USP19: variants seen among roughly 807,000 people sequenced by gnomAD.
The protein encoded by USP19 is ubiquitin specific peptidase 19, also known as ubiquitin carboxyl-terminal hydrolase 19.
In USP19, 40 loss-of-function variants were observed where a neutral mutation model predicts 144.8. The ratio of observed to expected loss-of-function variants is 0.28; its 90% CI spans 0.21 to 0.36. USP19 has a LOEUF of 0.36. Ranked by LOEUF, USP19 falls within the 10% of genes least tolerant of loss-of-function variation. USP19 has a pLI of 1.00. For missense variants in USP19, 1,518 were observed against 1,822.5 expected (o/e 0.83, Z 3.04); for synonymous variants, 701 against 709.3 (o/e 0.99, Z 0.19).
In USP19 at chr3:49,114,939, CCT is replaced by C. The variant is rs776594117; in HGVS notation, c.2181+18_2181+19del. 1 of 1,614,158 alleles carries C rather than the reference CCT, an allele frequency of 6.2e-7. No individual in the cohort carries two copies. Among genetic ancestry groups the C allele is most frequent in the Non-Finnish European group, 8.5e-7 (1 of 1,180,036 alleles). Reference sequence around the variant, plus strand: ...TGGGATGCTCATGAGACATGCCCACCCTCTGTCCCTAACCCTGACCTCATCGG... The same window carrying C: ...TGGGATGCTCATGAGACATGCCCACCCTGTCCCTAACCCTGACCTCATCGG... On this transcript the variant is annotated intron_variant, in intron 14 of 26. Transcript: ENST00000417901. The surrounding 1 kb of genome is among the most constrained non-coding windows in gnomAD (Gnocchi z 4.5).
Position 49,112,765 on chromosome 3 carries a change from G to T in USP19, c.2506-136C>A. The T allele has an allele frequency of 8.1e-7, 1 of 1,240,118 alleles. No homozygotes were observed. Among genetic ancestry groups the T allele is most frequent in the Non-Finnish European group, 1.1e-6 (1 of 916,514 alleles). The allele number at this position is 1,240,118 out of a possible 1,614,324, so 76.8% of individuals were successfully genotyped here. ...GGTCTGTAGGCCCAAATAGGCTTAT[G>T]CCTCTGCTGGCACCTGTCTCAGTGC... On this transcript the variant is annotated intron_variant, in intron 17 of 26. Coordinates refer to ENST00000417901, the MANE Select transcript of USP19 (RefSeq NM_001199161.2). The surrounding 1 kb of genome is among the most constrained non-coding windows in gnomAD (Gnocchi z 4.9).
chr3:49,115,908 C>G lies in USP19; in HGVS notation c.1508G>C (p.Gly503Ala). 6.4e-7 allele frequency: 1 copy of G among 1,567,590 alleles called. No individual in the cohort carries two copies. Among genetic ancestry groups the G allele is most frequent in the Non-Finnish European group, 8.6e-7 (1 of 1,158,276 alleles). ...VGGAKVAVPT[G>A]PTPLDSTPPG... is the part of the protein sequence containing the mutation. ...TGGGGTTGAATCCAGAGGGGTTGGA[C>G]CTGTCGGCACGGCAACCTTTGCACC... Residue 503 changes from glycine (G) to alanine (A), a missense_variant, in exon 11 of 27, where the codon GGT (glycine) becomes GCT (alanine). Gly to Ala is a moderately conservative substitution (Grantham distance 60, BLOSUM62 0). This residue lies in a region of USP19 where 707 missense variants were observed against 728.9 expected (regional missense o/e 0.97). Transcript: ENST00000417901. This position sits in a 1 kb window ranked among gnomAD's most constrained non-coding sequence, Gnocchi z 6.6.
Position 49,116,339 on chromosome 3 carries a change from G to A in USP19, c.1296C>T (p.Phe432=). 3 of 1,614,114 alleles carry A rather than the reference G, an allele frequency of 1.9e-6. No individual in the cohort carries two copies. Among genetic ancestry groups the A allele is most frequent in the Non-Finnish European group, 2.5e-6 (3 of 1,180,032 alleles). ...TLIFQTRDGN[F]LRLHPGCGPH... Reference sequence around the variant, plus strand: ...GCCCACAGCCCGGGTGCAGCCTCAGGAAGTTTCCATCCCTGCAGAGGCACA... The same window carrying A: ...GCCCACAGCCCGGGTGCAGCCTCAGAAAGTTTCCATCCCTGCAGAGGCACA... Residue 432 remains phenylalanine, a synonymous_variant, in exon 9 of 27, where the codon TTC becomes TTT. Transcript: ENST00000417901. The surrounding 1 kb of genome is among the most constrained non-coding windows in gnomAD (Gnocchi z 5.0).
chr3:49,118,756 A>AAG (rs967626666), intron 2 of USP19, among the ~76,000 whole-genome samples: 13 of 152,118 alleles, frequency 8.5e-5, no homozygotes, highest in Non-Finnish European at 1.5e-4. Flanking sequence ...CAAAAAAAAA[A>AAG]GGAAAAAAAG....
intron 26 of USP19, among the ~76,000 whole-genome samples, chr3:49,109,386 A>G (rs1208392593): frequency 6.6e-6 from 1 of 151,876 alleles, no homozygotes; most frequent in African/African-American, 2.4e-5. Context: ...TCTTGACAGC[A>G]TTTTGGCCTA....
rs1032943370 is a variant in USP19 at position 49,116,226 on chromosome 3, A to T, written c.1355+54T>A. 32 of 1,613,442 alleles carry T rather than the reference A, an allele frequency of 2.0e-5. No homozygotes were observed. The highest frequency in any genetic ancestry group is 5.0e-5 in the Admixed American group (3 of 59,942). ...GAGCATCAGGATAGATGAGCCAGGGAGATGGAGCCCACGGGGTAGGACAGG... is the reference window on the plus strand; with the variant it reads ...GAGCATCAGGATAGATGAGCCAGGGTGATGGAGCCCACGGGGTAGGACAGG... On this transcript the variant is annotated intron_variant, in intron 9 of 26. Coordinates refer to ENST00000417901, the MANE Select transcript of USP19 (RefSeq NM_001199161.2). This position sits in a 1 kb window ranked among gnomAD's most constrained non-coding sequence, Gnocchi z 5.0.
In USP19 at chr3:49,108,994, C is replaced by T; in HGVS notation, c.4039-466G>A. The T allele has an allele frequency of 6.2e-7, 1 of 1,613,448 alleles. No individual in the cohort carries two copies. Among genetic ancestry groups the T allele is most frequent in the Admixed American group, 1.7e-5 (1 of 59,956 alleles). The stretch of plus-strand genomic sequence containing the variant: ...GACTCTGGGATACCAGAGGATAGAA[C>T]ACGTTGAGCACGAGGGCCACCAAAG... On this transcript the variant is annotated intron_variant, in intron 26 of 26. Transcript: ENST00000417901. The surrounding 1 kb of genome is among the most constrained non-coding windows in gnomAD (Gnocchi z 4.8).
chr3:49,108,337 G>T lies in USP19; in HGVS notation c.*75C>A. ...CAGAGCCAGTGTCCTCTGGGTTAGA[G>T]AAGGAGAAGCGGCAAGGAGCTGGCC... On this transcript the variant is annotated 3_prime_UTR_variant, in exon 27 of 27. Transcript: ENST00000417901. The surrounding 1 kb of genome is among the most constrained non-coding windows in gnomAD (Gnocchi z 4.8). 1 of 484,548 alleles carries T rather than the reference G, an allele frequency of 2.1e-6. No homozygotes were observed. Among genetic ancestry groups the T allele is most frequent in the Non-Finnish European group, 3.5e-6 (1 of 282,866 alleles). 30.0% of individuals were successfully genotyped at this position (484,548 alleles called of 1,614,324 possible). A position where few individuals can be genotyped will look rare whatever the true frequency, so the allele number is the denominator to read the frequency against.
In USP19 at chr3:49,118,098, G is replaced by A; in HGVS notation, c.147C>T (p.Ala49=). The A allele has an allele frequency of 1.4e-6, 2 of 1,431,768 alleles. No individual in the cohort carries two copies. The highest frequency in any genetic ancestry group is 1.9e-6 in the Non-Finnish European group (2 of 1,042,288). The allele number at this position is 1,431,768 out of a possible 1,614,324, so 88.7% of individuals were successfully genotyped here. Residue 49 remains alanine, a synonymous_variant, in exon 3 of 27, where the codon GCC becomes GCT. Transcript: ENST00000417901. ...PRKETGSRYV[A]QAGLEPLASG... ...AGGCCAGAGGTTCAAGACCAGCCTG[G>A]GCAACATATCGAGACCCTGTCTCTA... is the stretch of plus-strand genomic sequence containing the variant.
chr3:49,116,267 G>C lies in USP19; in HGVS notation c.1355+13C>G. ...GTAGGACAGGCACAGTGGTGGGGCC[G>C]GGCACCACCCACCTGAGCTTCACCT... On this transcript the variant is annotated intron_variant, in intron 9 of 26. Coordinates refer to ENST00000417901, the MANE Select transcript of USP19 (RefSeq NM_001199161.2). This position sits in a 1 kb window ranked among gnomAD's most constrained non-coding sequence, Gnocchi z 5.0. 1 of 1,613,312 alleles carries C rather than the reference G, an allele frequency of 6.2e-7. No homozygotes were observed.
Position 49,115,336 on chromosome 3 carries a change from G to A in USP19, c.1914C>T (p.Asn638=). The change falls in exon 13 of 27, where the codon AAC becomes AAT. Residue 638 remains asparagine, a synonymous_variant. Coordinates refer to ENST00000417901, the MANE Select transcript of USP19 (RefSeq NM_001199161.2). This position sits in a 1 kb window ranked among gnomAD's most constrained non-coding sequence, Gnocchi z 6.6. ...CACCAGTCCCTAGTGGGTTGTTGTA[G>A]TTGATCTCAGCCTCAAAGGAGCGGT... The part of the protein sequence containing the change: ...FHDRSFEAEI[N]YNNPLGTGGR... 1.2e-6 allele frequency: 2 copies of A among 1,614,214 alleles called. No individual in the cohort carries two copies. Among genetic ancestry groups the A allele is most frequent in the Admixed American group, 1.7e-5 (1 of 60,036 alleles).
Position 49,110,100 on chromosome 3 carries a change from G to A in USP19, c.4038+84C>T. 7.1e-7 allele frequency: 1 copy of A among 1,404,594 alleles called. No homozygotes were observed. Among genetic ancestry groups the A allele is most frequent in the Non-Finnish European group, 9.3e-7 (1 of 1,074,524 alleles). The allele number at this position is 1,404,594 out of a possible 1,614,324, so 87.0% of individuals were successfully genotyped here. ...CCAAGGCTCAATGGGCCTGTGGCTGGAGGAGAGGAAGCTATATCCCCCAAC... is the reference window on the plus strand; with the variant it reads ...CCAAGGCTCAATGGGCCTGTGGCTGAAGGAGAGGAAGCTATATCCCCCAAC... On this transcript the variant is annotated intron_variant, in intron 26 of 26. Transcript: ENST00000417901. The surrounding 1 kb of genome is among the most constrained non-coding windows in gnomAD (Gnocchi z 6.1).
rs1260476145 is a variant in USP19 at position 49,111,193 on chromosome 3, TG to T, written c.3329-28del. 7 of 1,613,932 alleles carry T rather than the reference TG, an allele frequency of 4.3e-6. No individual in the cohort carries two copies. In the Admixed American group the frequency reaches 1.2e-4, roughly 27 times the overall value. On this transcript the variant is annotated intron_variant, in intron 22 of 26. Coordinates refer to ENST00000417901, the MANE Select transcript of USP19 (RefSeq NM_001199161.2). The surrounding 1 kb of genome is among the most constrained non-coding windows in gnomAD (Gnocchi z 5.9). ...TGGAGATTCGCAGGGAGAGAGGTCATGCAGCTGTGGAGAACAGCCAGCTCAA... is the reference window on the plus strand; with the variant it reads ...TGGAGATTCGCAGGGAGAGAGGTCATCAGCTGTGGAGAACAGCCAGCTCAA...
In USP19 at chr3:49,112,718, G is replaced by C; in HGVS notation, c.2506-89C>G. ...GTTTAAGAAGGCTTGGCCCTGCCTTGGGTCTATGTGGGCAGTGGTGAGGTC... is the reference window on the plus strand; with the variant it reads ...GTTTAAGAAGGCTTGGCCCTGCCTTCGGTCTATGTGGGCAGTGGTGAGGTC... On this transcript the variant is annotated intron_variant, in intron 17 of 26. Transcript: ENST00000417901. The surrounding 1 kb of genome is among the most constrained non-coding windows in gnomAD (Gnocchi z 4.9). The C allele has an allele frequency of 6.6e-7, 1 of 1,520,300 alleles. No homozygotes were observed. Among genetic ancestry groups the C allele is most frequent in the Non-Finnish European group, 8.9e-7 (1 of 1,129,532 alleles). 94.2% of individuals were successfully genotyped at this position (1,520,300 alleles called of 1,614,324 possible).
Position 49,108,795 on chromosome 3 carries a change from C to G in USP19, c.4039-267G>C. On this transcript the variant is annotated intron_variant, in intron 26 of 26. Transcript: ENST00000417901. The surrounding 1 kb of genome is among the most constrained non-coding windows in gnomAD (Gnocchi z 4.8). Reference sequence around the variant, plus strand: ...ATGGACAGACAGCCAGATGGATACACACCCTAGGATACTCTGCCCCTGCAG... The same window carrying G: ...ATGGACAGACAGCCAGATGGATACAGACCCTAGGATACTCTGCCCCTGCAG... 2.1e-6 allele frequency: 3 copies of G among 1,419,760 alleles called. No individual in the cohort carries two copies. Among genetic ancestry groups the G allele is most frequent in the Middle Eastern group, 2.1e-4 (1 of 4,738 alleles). The allele number at this position is 1,419,760 out of a possible 1,614,324, so 87.9% of individuals were successfully genotyped here. A position where few individuals can be genotyped will look rare whatever the true frequency, so the allele number is the denominator to read the frequency against.
rs74528938 is a variant in USP19, at chr3:49,111,477, T to C, written c.3217+23A>G. On this transcript the variant is annotated intron_variant, in intron 21 of 26. Transcript: ENST00000417901. This position sits in a 1 kb window ranked among gnomAD's most constrained non-coding sequence, Gnocchi z 5.9. ...CTCCCTTATCCTCCTCCCCAGCTTC[T>C]AGAGCCTTTCACTGGATCTTACCTT... The C allele has an allele frequency of 1.1e-3, 1,803 of 1,611,732 alleles. 18 individuals are homozygous for C. In the African/African-American group the frequency reaches 0.02, roughly 18 times the overall value.
In USP19 at chr3:49,117,103, G is replaced by A. The variant is rs568295965; in HGVS notation, c.865C>T (p.Pro289Ser). Residue 289 changes from proline (P) to serine (S), a missense_variant, in exon 6 of 27, where the codon CCC (proline) becomes TCC (serine). This residue lies in a region of USP19 where 707 missense variants were observed against 728.9 expected (regional missense o/e 0.97). Transcript: ENST00000417901. The surrounding 1 kb of genome is among the most constrained non-coding windows in gnomAD (Gnocchi z 4.4). ...EGDGSRDDPG[P>S]RGDAPPFVAD... ...ACGAAGGGTGGGGCATCACCCCGGG[G>A]TCCAGGGTCATCCCTGGACCCGTCC... The A allele has an allele frequency of 1.2e-5, 19 of 1,531,650 alleles. No homozygotes were observed. The highest frequency in any genetic ancestry group is 1.7e-5 in the Non-Finnish European group (19 of 1,136,484). The allele number at this position is 1,531,650 out of a possible 1,614,324, so 94.9% of individuals were successfully genotyped here.
Position 49,112,730 on chromosome 3 carries a change from G to A in USP19, c.2506-101C>T, listed in dbSNP as rs897293285. On this transcript the variant is annotated intron_variant, in intron 17 of 26. Coordinates refer to ENST00000417901, the MANE Select transcript of USP19 (RefSeq NM_001199161.2). This position sits in a 1 kb window ranked among gnomAD's most constrained non-coding sequence, Gnocchi z 4.9. Reference sequence around the variant, plus strand: ...TTGGCCCTGCCTTGGGTCTATGTGGGCAGTGGTGAGGTCTGTAGGCCCAAA... The same window carrying A: ...TTGGCCCTGCCTTGGGTCTATGTGGACAGTGGTGAGGTCTGTAGGCCCAAA... 2.0e-6 allele frequency: 3 copies of A among 1,494,678 alleles called. No homozygotes were observed. The highest frequency in any genetic ancestry group is 2.7e-6 in the Non-Finnish European group (3 of 1,114,116). The allele number at this position is 1,494,678 out of a possible 1,614,324, so 92.6% of individuals were successfully genotyped here.
Position 49,109,026 on chromosome 3 carries a change from C to T in USP19, c.4039-498G>A, listed in dbSNP as rs775696158. 1.3e-5 allele frequency: 21 copies of T among 1,613,552 alleles called. No individual in the cohort carries two copies. The Admixed American group carries it at 2.3e-4, about 18-fold the overall frequency. Reference sequence around the variant, plus strand: ...AGCACGAGGGCCACCAAAGCCGCCACGGTGCCCAGGACAAAGTACCGGAGG... The same window carrying T: ...AGCACGAGGGCCACCAAAGCCGCCATGGTGCCCAGGACAAAGTACCGGAGG... On this transcript the variant is annotated intron_variant, in intron 26 of 26. Coordinates refer to ENST00000417901, the MANE Select transcript of USP19 (RefSeq NM_001199161.2).
Sources: allele counts gnomAD v4.1 joint callset (sites outside exome capture counted in the v4.1 genomes callset), GRCh38; gene constraint gnomAD v4.1.1; regional missense constraint gnomAD v4.1.1; non-coding constraint Gnocchi (gnomAD v3.1); transcripts MANE v1.5; gene names NCBI Gene and HGNC (gene_info 2026-07-23, HGNC 2026-07-21).